Variants in SVEP1 observed in about 807,000 individuals in gnomAD.
The protein encoded by SVEP1 is sushi, von Willebrand factor type A, EGF and pentraxin domain-containing protein 1.
Under a neutral mutation model 367.3 loss-of-function variants are expected in SVEP1, and 164 were observed. That is an observed-to-expected ratio of 0.45 (90% confidence interval 0.39 to 0.51). The LOEUF (loss-of-function observed/expected upper bound fraction) is 0.51. Among genes scored for constraint, SVEP1 ranks in the 20% least tolerant of loss-of-function variants. The pLI is 0.00. For missense variants in SVEP1, 4,117 were observed against 4,425.3 expected (o/e 0.93, Z 1.98); for synonymous variants, 1,666 against 1,611.6 (o/e 1.03, Z -0.81).
chr9:110,512,471 G>GA (rs1829734100), intron 5 of SVEP1, among the ~76,000 whole-genome samples: 1 of 151,918 alleles, frequency 6.6e-6, no homozygotes, highest in Non-Finnish European at 1.5e-5. Flanking sequence ...CTCTCGCTTT[G>GA]ACAAATTCTC....
chr9:110,499,224 T>A lies in SVEP1; in HGVS notation c.1498A>T (p.Thr500Ser), dbSNP rs771617195. The A allele has an allele frequency of 6.2e-7, 1 of 1,612,954 alleles. No individual in the cohort carries two copies. Residue 500 changes from threonine to serine, a missense_variant, in exon 7 of 48, where the codon ACC (threonine) becomes TCC (serine). This residue lies in a region of SVEP1 where 2,174 missense variants were observed against 2,494.3 expected (regional missense o/e 0.87). Transcript: ENST00000374469. ...EPRCVERHCS[T>S]FQMPKDVIIS... The stretch of plus-strand genomic sequence containing the variant: ...ATGACATCTTTGGGCATCTGAAAGG[T>A]GGAACAGTGGCGCTCTACGGTAGGG...
intron 25 of SVEP1, 71 bp downstream of exon 25, chr9:110,446,829 C>A (rs1588057356): frequency 2.9e-6 from 4 of 1,358,632 alleles, no homozygotes; most frequent in South Asian, 4.0e-5. Flanking sequence ...TTGGTGCAGG[C>A]AAAATTGGTA....
chr9:110,579,245 C>A lies in SVEP1; in HGVS notation c.299G>T (p.Arg100Leu), dbSNP rs908543453. 1 of 1,570,330 alleles carries A rather than the reference C, an allele frequency of 6.4e-7. No individual in the cohort carries two copies. The highest frequency in any genetic ancestry group is 1.2e-5 in the South Asian group (1 of 85,382). Residue 100 changes from arginine to leucine, a missense_variant, in exon 1 of 48, where the codon CGC (arginine) becomes CTC (leucine). Physicochemically the swap from Arg to Leu is moderately radical, Grantham distance 102 (BLOSUM62 -2). Coordinates refer to ENST00000374469, the MANE Select transcript of SVEP1 (RefSeq NM_153366.4). This position sits in a 1 kb window ranked among gnomAD's most constrained non-coding sequence, Gnocchi z 5.3. ...DSSSVGEVNF[R>L]SELMFVRKLL... ...CTTGCGGACGAACATGAGCTCGCTG[C>A]GGAAGTTGACTTCGCCCACGCTGGA...
chr9:110,512,876 G>A (rs1217645217), intron 5 of SVEP1, 50 bp downstream of exon 5: 2 of 1,603,154 alleles, frequency 1.2e-6, no homozygotes, highest in African/African-American at 1.3e-5. Context: ...TTAAATCAAG[G>A]AAATCAGGCA....
chr9:110,572,918 T>A (rs941154078), intron 1 of SVEP1, among the ~76,000 whole-genome samples: 2 of 152,050 alleles, frequency 1.3e-5, no homozygotes, highest in African/African-American at 4.8e-5. Flanking sequence ...TTCCATTCTA[T>A]TCCATTCCAC....
In SVEP1 at chr9:110,398,647, A is replaced by C. The variant is rs1827807569; in HGVS notation, c.9822+2207T>G. Among the ~76,000 whole-genome samples the C allele has an allele frequency of 2.0e-5, 3 of 152,196 alleles. No homozygotes were observed. The South Asian group carries it at 6.2e-4, about 32-fold the overall frequency. On this transcript the variant is annotated intron_variant, in intron 40 of 47. Transcript: ENST00000374469. ...CAATGAACACAAACAAATTTATAAG[A>C]AAAAAACAAACAACCCCATCAAAAA... is the stretch of plus-strand genomic sequence containing the variant.
intron 40 of SVEP1, among the ~76,000 whole-genome samples, chr9:110,398,937 C>T (rs1057123155): frequency 2.6e-5 from 4 of 152,128 alleles, no homozygotes; most frequent in East Asian, 1.9e-4. Context: ...GTCAGTGTGG[C>T]GATTCTTCAG....
chr9:110,460,905 C>T (rs1460371763), intron 18 of SVEP1, among the ~76,000 whole-genome samples: 5 of 152,114 alleles, frequency 3.3e-5, no homozygotes, highest in Non-Finnish European at 7.4e-5. Flanking sequence ...ACTTATACTG[C>T]TTGTGAATTA....
chr9:110,510,309 C>G (rs145522837), intron 5 of SVEP1, among the ~76,000 whole-genome samples: 134 of 152,370 alleles, frequency 8.8e-4, no homozygotes, highest in African/African-American at 3.2e-3. Context: ...GATCCTCCCA[C>G]TCCTCTTCTG....
At position 110,432,585 on chromosome 9, in the gene SVEP1, C is replaced by T. The variant is rs373652526; in HGVS notation, c.5110G>A (p.Asp1704Asn). 1.5e-4 allele frequency: 244 copies of T among 1,613,726 alleles called. No homozygotes were observed. Among genetic ancestry groups the T allele is most frequent in the South Asian group, 1.0e-3 (92 of 91,048 alleles). ...PPLENGFHSA[D>N]DFYAGSTVTY... ...ACTGTGCTGCCAGCATAGAAGTCATCGGCTGAATGGAAGCCATTCTCCAAA... is the reference window on the plus strand; with the variant it reads ...ACTGTGCTGCCAGCATAGAAGTCATTGGCTGAATGGAAGCCATTCTCCAAA... The change falls in exon 31 of 48, where the codon GAT becomes AAT. Residue 1704 changes from aspartate (D) to asparagine (N), a missense_variant. Asp to Asn is a conservative substitution (Grantham distance 23). Transcript: ENST00000374469.
In SVEP1 at chr9:110,453,693, C is replaced by T. The variant is rs535010505; in HGVS notation, c.3787+1897G>A. 3.9e-5 allele frequency among the ~76,000 whole-genome samples: 6 copies of T among 151,940 alleles called. 1 individual carries two copies. The South Asian group carries it at 1.0e-3, about 26-fold the overall frequency. On this transcript the variant is annotated intron_variant, in intron 22 of 47. Transcript: ENST00000374469. ...GACCAGCCTGACCAATATGGTGAAA[C>T]CCCATCTCTACTAAAAATACAAAAA...
At chr9:110,400,206 C>G (rs987368732) in intron 40 of SVEP1, among the ~76,000 whole-genome samples, 6 of 152,284 alleles carry the variant, frequency 3.9e-5, no homozygotes, top group Admixed American at 2.6e-4. Flanking sequence ...GGTTACCTCT[C>G]CATGGTGACC....
rs1186913363 is a variant in SVEP1 at position 110,411,450 on chromosome 9, T to A, written c.6261A>T (p.Pro2087=). 2 of 1,613,892 alleles carry A rather than the reference T, an allele frequency of 1.2e-6. No homozygotes were observed. The highest frequency in any genetic ancestry group is 1.7e-6 in the Non-Finnish European group (2 of 1,179,900). ...ATTCCAAGATGCTATAGGAAACCGA[T>A]GGAGGTTTTTCACAGAAATGAGCTA... ...RCIAHFCEKP[P]SVSYSILESV... is the part of the protein sequence containing the mutation. The change falls in exon 37 of 48, where the codon CCA becomes CCT. Residue 2087 remains proline, a synonymous_variant. Coordinates refer to ENST00000374469, the MANE Select transcript of SVEP1 (RefSeq NM_153366.4).
intron 36 of SVEP1, among the ~76,000 whole-genome samples, chr9:110,427,064 G>C (rs2118541659): frequency 6.6e-6 from 1 of 152,132 alleles, no homozygotes; most frequent in East Asian, 1.9e-4. Flanking sequence ...ATCTCAGGCT[G>C]AGGCAAGTGG....
In SVEP1 at chr9:110,375,231, C is replaced by T. The variant is rs1404091355; in HGVS notation, c.10600+137G>A. ...AGTGTTGAGACACGAATCAAGGGATCATCTTGAGGAATTTTTGAGAAACAT... is the reference window on the plus strand; with the variant it reads ...AGTGTTGAGACACGAATCAAGGGATTATCTTGAGGAATTTTTGAGAAACAT... On this transcript the variant is annotated intron_variant, in intron 46 of 47. Coordinates refer to ENST00000374469, the MANE Select transcript of SVEP1 (RefSeq NM_153366.4). The T allele has an allele frequency of 5.4e-6, 4 of 735,554 alleles. No individual in the cohort carries two copies. The Admixed American group carries it at 1.2e-4, about 22-fold the overall frequency. 45.6% of individuals were successfully genotyped at this position (735,554 alleles called of 1,614,324 possible). A position where few individuals can be genotyped will look rare whatever the true frequency, so the allele number is the denominator to read the frequency against.
Position 110,366,504 on chromosome 9 carries a change from C to T in SVEP1, c.*35G>A. 1 of 1,541,942 alleles carries T rather than the reference C, an allele frequency of 6.5e-7. No individual in the cohort carries two copies. On this transcript the variant is annotated 3_prime_UTR_variant, in exon 48 of 48. Transcript: ENST00000374469. ...CCAGGCACTACCGAGGAGAGATGATCCTGCTTTTGGGAGAGCCAGATGGTC... is the reference window on the plus strand; with the variant it reads ...CCAGGCACTACCGAGGAGAGATGATTCTGCTTTTGGGAGAGCCAGATGGTC...
At chr9:110,577,369 T>A (rs1368620142) in intron 1 of SVEP1, among the ~76,000 whole-genome samples, 1 of 151,968 alleles carries the variant, frequency 6.6e-6, no homozygotes, top group Non-Finnish European at 1.5e-5. Flanking sequence ...AACATGACAT[T>A]CAATTAAATT....
intron 1 of SVEP1, among the ~76,000 whole-genome samples, chr9:110,563,601 G>T (rs1163486255): frequency 6.6e-6 from 1 of 152,066 alleles, no homozygotes; most frequent in Non-Finnish European, 1.5e-5. Context: ...TGTGTGGTTG[G>T]ATAATCACTT....
At chr9:110,556,118 A>G (rs937051150) in intron 1 of SVEP1, among the ~76,000 whole-genome samples, 2 of 152,226 alleles carry the variant, frequency 1.3e-5, no homozygotes, top group Admixed American at 1.3e-4. Context: ...TCTGTATTGT[A>G]TCAAGCCTCC....
Sources: gnomAD v4.1 joint callset for allele counts (sites outside exome capture counted in the v4.1 genomes callset) on GRCh38, gnomAD v4.1.1 for gene constraint, gnomAD v4.1.1 regional missense constraint, Gnocchi (gnomAD v3.1) non-coding constraint, MANE v1.5 for transcripts, NCBI Gene and HGNC (gene_info 2026-07-23, HGNC 2026-07-21) for gene names.